The following DNAAF5 variants were observed in gnomAD, a reference collection of about 807,000 sequenced individuals.
DNAAF5 encodes the protein HEAT repeat containing 2.
A neutral mutation model predicts 75.8 loss-of-function variants in DNAAF5; 64 were observed. The ratio of observed to expected loss-of-function variants is 0.84; its 90% CI spans 0.69 to 1.04. The LOEUF is 1.04. Among genes scored for constraint, DNAAF5 ranks in the 50% least tolerant of loss-of-function variants. The pLI, the probability that DNAAF5 is intolerant of heterozygous loss-of-function variation, is 0.00. For missense variants in DNAAF5, 1,269 were observed against 1,178.5 expected (o/e 1.08, Z -1.12); for synonymous variants, 657 against 557.2 (o/e 1.18, Z -2.52).
At position 754,877 on chromosome 7, in the gene DNAAF5, C is replaced by T. The variant is rs1490963649; in HGVS notation, c.1257+56C>T. The T allele has an allele frequency of 3.7e-6, 5 of 1,356,418 alleles. No individual in the cohort carries two copies. The highest frequency in any genetic ancestry group is 4.1e-6 in the Non-Finnish European group (4 of 983,168). The allele number at this position is 1,356,418 out of a possible 1,614,324, so 84.0% of individuals were successfully genotyped here. Reference sequence around the variant, plus strand: ...GAGCTGTAACTCGAGCTTAAGATCCCGCCTCTGTGGTGTGCGGGGCCCGAG... The same window carrying T: ...GAGCTGTAACTCGAGCTTAAGATCCTGCCTCTGTGGTGTGCGGGGCCCGAG... On this transcript the variant is annotated intron_variant, in intron 5 of 12. Coordinates refer to ENST00000297440, the MANE Select transcript of DNAAF5 (RefSeq NM_017802.4). The surrounding 1 kb of genome is among the most constrained non-coding windows in gnomAD (Gnocchi z 4.8).
At chr7:750,056 A>C (rs1195305295) in intron 4 of DNAAF5, among the ~76,000 whole-genome samples, 1 of 152,248 alleles carries the variant, frequency 6.6e-6, no homozygotes, top group African/African-American at 2.4e-5. Flanking sequence ...GTTCAGAAGC[A>C]TGTGCTGAGT....
intron 5 of DNAAF5, among the ~76,000 whole-genome samples, chr7:756,392 G>A (rs967818587): frequency 6.6e-6 from 1 of 151,956 alleles, no homozygotes; most frequent in African/African-American, 2.4e-5. Flanking sequence ...CCACGGTGCA[G>A]AGGGGCTGGT....
chr7:736,378 C>T (rs1039486771), intron 2 of DNAAF5, among the ~76,000 whole-genome samples: 1 of 152,182 alleles, frequency 6.6e-6, no homozygotes, highest in Admixed American at 6.5e-5. Flanking sequence ...GTTTATATAT[C>T]TGGATACTCC....
Position 726,995 on chromosome 7 carries a change from G to A in DNAAF5, c.275G>A (p.Cys92Tyr). ...LRCLSDPAEGCRALAVHLLDL... is the reference protein window; with the variant it reads ...LRCLSDPAEGYRALAVHLLDL... ...TGCCTGAGCGACCCCGCCGAGGGCT[G>A]CCGCGCGCTGGCAGTGCACCTGCTG... The change falls in exon 1 of 13, where the codon TGC (cysteine) becomes TAC (tyrosine). Residue 92 changes from cysteine (C) to tyrosine (Y), a missense_variant. By Grantham distance (194) the Cys-to-Tyr change is radical. Transcript: ENST00000297440. The A allele has an allele frequency of 1.6e-6, 2 of 1,260,606 alleles. No individual in the cohort carries two copies. The highest frequency in any genetic ancestry group is 2.0e-6 in the Non-Finnish European group (2 of 998,318). 78.1% of individuals were successfully genotyped at this position (1,260,606 alleles called of 1,614,324 possible).
At chr7:735,138 G>A (rs543453891) in intron 2 of DNAAF5, among the ~76,000 whole-genome samples, 26 of 149,168 alleles carry the variant, frequency 1.7e-4, no homozygotes, top group Admixed American at 1.7e-3. Flanking sequence ...CGCCACTCAC[G>A]ATGTCATTGC....
chr7:773,411 C>A (rs868740121), intron 9 of DNAAF5, among the ~76,000 whole-genome samples: 1 of 152,130 alleles, frequency 6.6e-6, no homozygotes, highest in Non-Finnish European at 1.5e-5. Context: ...TGGGATGTCA[C>A]TAATGAGTGT....
chr7:785,389 G>A (rs1390192606), intron 12 of DNAAF5, 128 bp from the exon 13 acceptor site: 1 of 992,658 alleles, frequency 1.0e-6, no homozygotes, highest in Non-Finnish European at 1.5e-6. Flanking sequence ...TGTCCACCCA[G>A]CAGCGTCAGG....
rs945314230 is a variant in DNAAF5, at chr7:769,688, G to A, written c.1784-783G>A. ...TGTTTTGTTTTTGAGATGGAGTTTTGCTCTTGGTGCCCAGGCTGGAGTGCA... is the reference window on the plus strand; with the variant it reads ...TGTTTTGTTTTTGAGATGGAGTTTTACTCTTGGTGCCCAGGCTGGAGTGCA... On this transcript the variant is annotated intron_variant, in intron 8 of 12. Coordinates refer to ENST00000297440, the MANE Select transcript of DNAAF5 (RefSeq NM_017802.4). 2.0e-5 allele frequency among the ~76,000 whole-genome samples: 3 copies of A among 152,326 alleles called. No individual in the cohort carries two copies. In the South Asian group the frequency reaches 6.2e-4, roughly 32 times the overall value.
chr7:751,832 G>A (rs560553963), intron 4 of DNAAF5, among the ~76,000 whole-genome samples: 97 of 152,122 alleles, frequency 6.4e-4, no homozygotes, highest in Non-Finnish European at 1.1e-3. Flanking sequence ...CCTTGGCCTC[G>A]CAAAGTGCTG....
chr7:750,415 A>C (rs1213186809), intron 4 of DNAAF5, among the ~76,000 whole-genome samples: 1 of 152,156 alleles, frequency 6.6e-6, no homozygotes, highest in Non-Finnish European at 1.5e-5. Context: ...GTCCCCTGCC[A>C]TTTTGGCACC....
At chr7:766,902 G>C (rs925330779) in intron 8 of DNAAF5, among the ~76,000 whole-genome samples, 2 of 152,118 alleles carry the variant, frequency 1.3e-5, no homozygotes, top group Non-Finnish European at 2.9e-5. Flanking sequence ...AAATAGAGTG[G>C]GAACTATCCA....
chr7:761,119 C>G lies in DNAAF5; in HGVS notation c.1471-634C>G, dbSNP rs138624120. ...GTGCATCACTAACGCAGCTTCTCCA[C>G]CACATAGCTCAAGTGCCTGTTCACA... On this transcript the variant is annotated intron_variant, in intron 6 of 12. Coordinates refer to ENST00000297440, the MANE Select transcript of DNAAF5 (RefSeq NM_017802.4). 3.6e-3 allele frequency among the ~76,000 whole-genome samples: 551 copies of G among 152,366 alleles called. 5 individuals carry two copies. The highest frequency in any genetic ancestry group is 5.0e-3 in the Non-Finnish European group (343 of 68,028).
chr7:758,180 C>T (rs578079540), intron 6 of DNAAF5, among the ~76,000 whole-genome samples: 10 of 152,330 alleles, frequency 6.6e-5, no homozygotes, highest in South Asian at 2.1e-4. Flanking sequence ...CCTTCACCCA[C>T]GAGGGGTTAT....
chr7:754,892 C>T lies in DNAAF5; in HGVS notation c.1257+71C>T, dbSNP rs749229207. The T allele has an allele frequency of 4.2e-5, 51 of 1,215,648 alleles. No homozygotes were observed. The highest frequency in any genetic ancestry group is 7.7e-5 in the East Asian group (3 of 39,134). The allele number at this position is 1,215,648 out of a possible 1,614,324, so 75.3% of individuals were successfully genotyped here. A position where few individuals can be genotyped will look rare whatever the true frequency, so the allele number is the denominator to read the frequency against. ...CTTAAGATCCCGCCTCTGTGGTGTG[C>T]GGGGCCCGAGGCTGTACTGTAGCCA... On this transcript the variant is annotated intron_variant, in intron 5 of 12. Transcript: ENST00000297440. This position sits in a 1 kb window ranked among gnomAD's most constrained non-coding sequence, Gnocchi z 4.8.
At position 759,108 on chromosome 7, in the gene DNAAF5, G is replaced by A. The variant is rs537999092; in HGVS notation, c.1470+2114G>A. 5.3e-5 allele frequency among the ~76,000 whole-genome samples: 8 copies of A among 152,206 alleles called. No individual in the cohort carries two copies. The South Asian group carries it at 6.2e-4, about 12-fold the overall frequency. ...CCCTGTGCTCTTCCCGCGGCCGGCC[G>A]GGCTTTGTGTCATGTCATTTGGGAA... On this transcript the variant is annotated intron_variant, in intron 6 of 12. Coordinates refer to ENST00000297440, the MANE Select transcript of DNAAF5 (RefSeq NM_017802.4).
At chr7:745,318 G>A (rs914975021) in intron 4 of DNAAF5, among the ~76,000 whole-genome samples, 4 of 152,210 alleles carry the variant, frequency 2.6e-5, no homozygotes, top group Admixed American at 6.5e-5. Flanking sequence ...AGTCCTTCCC[G>A]CTGTGCACCG....
intron 8 of DNAAF5, among the ~76,000 whole-genome samples, chr7:768,297 G>A (rs982262640): frequency 9.9e-5 from 15 of 151,238 alleles, no homozygotes; most frequent in Admixed American, 6.6e-5. Context: ...TGGTCTGGGC[G>A]GAAGTGTCCG....
chr7:751,053 A>G (rs1289537567), intron 4 of DNAAF5: 1 of 152,242 alleles, frequency 6.6e-6, no homozygotes, highest in Non-Finnish European at 1.5e-5. Flanking sequence ...CTGAGACATG[A>G]GAATGGAGAA....
At position 780,024 on chromosome 7, in the gene DNAAF5, C is replaced by G. The variant is rs1468993677; in HGVS notation, c.2311C>G (p.Leu771Val). 1.2e-6 allele frequency: 2 copies of G among 1,614,244 alleles called. No homozygotes were observed. The highest frequency in any genetic ancestry group is 1.7e-6 in the Non-Finnish European group (2 of 1,180,028). ...AGCCGCCTCCACCTTGGTCACCTGG[C>G]TGCAGTGTGTCAAGGGTGCCAACGC... Reference protein sequence around the residue: ...MAAASTLVTWLQCVKGANAKS... With the variant: ...MAAASTLVTWVQCVKGANAKS... Residue 771 changes from leucine (L) to valine (V), a missense_variant, in exon 12 of 13, where the codon CTG becomes GTG. Transcript: ENST00000297440.
Sources: allele counts gnomAD v4.1 joint callset (sites outside exome capture counted in the v4.1 genomes callset), GRCh38; gene constraint gnomAD v4.1.1; non-coding constraint Gnocchi (gnomAD v3.1); transcripts MANE v1.5; gene names NCBI Gene and HGNC (gene_info 2026-07-23, HGNC 2026-07-21).